SYCP2L: variants seen among roughly 807,000 people sequenced by gnomAD.
The protein encoded by SYCP2L is synaptonemal complex protein 2 like.
In SYCP2L, 98 loss-of-function variants were observed where a neutral mutation model predicts 125.8. The observed-to-expected ratio is 0.78, with a 90% CI of 0.66 to 0.92. SYCP2L has a LOEUF of 0.92. Ranked by LOEUF, SYCP2L falls within the 40% of genes least tolerant of loss-of-function variation. The pLI is 0.00. For synonymous variants in SYCP2L, 317 were observed against 325.4 expected (o/e 0.97, Z 0.28); for missense variants, 842 against 936.4 (o/e 0.90, Z 1.32).
chr6:10,919,818 G>A (rs1780760858), intron 14 of SYCP2L, among the ~76,000 whole-genome samples: 1 of 152,110 alleles, frequency 6.6e-6, no homozygotes, highest in African/African-American at 2.4e-5. Context: ...GATTATGGCT[G>A]TCTCTGCTGA....
At chr6:10,914,177 T>C (rs567863668) in intron 14 of SYCP2L, among the ~76,000 whole-genome samples, 1 of 152,304 alleles carries the variant, frequency 6.6e-6, no homozygotes, top group South Asian at 2.1e-4. Flanking sequence ...AAGTCCTTCA[T>C]CCGTCTTGAG....
chr6:10,951,952 TCA>T (rs1781417304), intron 23 of SYCP2L, among the ~76,000 whole-genome samples: 1 of 152,312 alleles, frequency 6.6e-6, no homozygotes, highest in African/African-American at 2.4e-5. Flanking sequence ...CAGAAGCTCC[TCA>T]GATTGTACCT....
chr6:10,967,475 G>T (rs1297730998), intron 29 of SYCP2L, among the ~76,000 whole-genome samples: 1 of 147,770 alleles, frequency 6.8e-6, no homozygotes, highest in East Asian at 1.9e-4. Flanking sequence ...GTGTGTGTGT[G>T]TGTGTGTGTG....
chr6:10,920,577 T>C (rs576422429), intron 14 of SYCP2L, among the ~76,000 whole-genome samples: 3 of 152,340 alleles, frequency 2.0e-5, no homozygotes, highest in South Asian at 2.1e-4. Context: ...GAGTGCCTCA[T>C]GGGAAGAAGG....
Position 10,912,955 on chromosome 6 carries a change from G to T in SYCP2L, c.1072+28G>T, listed in dbSNP as rs370696231. On this transcript the variant is annotated intron_variant, in intron 14 of 29. Coordinates refer to ENST00000283141, the MANE Select transcript of SYCP2L (RefSeq NM_001040274.3). The surrounding 1 kb of genome is among the most constrained non-coding windows in gnomAD (Gnocchi z 4.1). ...AATATGATACATTTAAACAACCCAC[G>T]TCCAGTTCCAAATATTATTTCTGTT... is the stretch of plus-strand genomic sequence containing the variant. 4.4e-6 allele frequency: 7 copies of T among 1,599,812 alleles called. No homozygotes were observed. Among genetic ancestry groups the T allele is most frequent in the Non-Finnish European group, 6.0e-6 (7 of 1,170,596 alleles).
intron 8 of SYCP2L, among the ~76,000 whole-genome samples, chr6:10,904,285 A>G (rs969761451): frequency 3.9e-5 from 6 of 152,178 alleles, no homozygotes; most frequent in African/African-American, 1.4e-4. Context: ...GTGTGACCAT[A>G]CAAACAACAA....
chr6:10,902,851 G>A (rs1561681796), intron 7 of SYCP2L, 24 bp from the exon 8 acceptor site: 2 of 1,613,198 alleles, frequency 1.2e-6, no homozygotes, highest in Non-Finnish European at 1.7e-6. Context: ...TCTTCTCCAT[G>A]AATGTCTTCT....
At chr6:10,941,806 A>G (rs538472855) in intron 21 of SYCP2L, among the ~76,000 whole-genome samples, 3 of 152,324 alleles carry the variant, frequency 2.0e-5, no homozygotes, top group East Asian at 3.9e-4. Context: ...ATTACTGGGT[A>G]TATACCCAAA....
intron 1 of SYCP2L, among the ~76,000 whole-genome samples, chr6:10,888,159 T>A (rs1259039919): frequency 7.5e-6 from 1 of 133,904 alleles, no homozygotes; most frequent in East Asian, 2.5e-4. Flanking sequence ...TGCAGTGGCG[T>A]GATCTTGGCT....
At position 10,912,865 on chromosome 6, in the gene SYCP2L, A is replaced by G; in HGVS notation, c.1012-2A>G. The G allele has an allele frequency of 1.9e-6, 3 of 1,613,390 alleles. No homozygotes were observed. Among genetic ancestry groups the G allele is most frequent in the Non-Finnish European group, 2.5e-6 (3 of 1,179,490 alleles). ...TGAATTTCACTTATTTATTTTCCCA[A>G]GAATACTCTATGGGACTCAGTGACA... On this transcript the variant is annotated splice_acceptor_variant, in intron 13 of 29. Transcript: ENST00000283141. LOFTEE classifies it high-confidence loss of function. This position sits in a 1 kb window ranked among gnomAD's most constrained non-coding sequence, Gnocchi z 4.1.
intron 4 of SYCP2L, among the ~76,000 whole-genome samples, chr6:10,894,845 T>C (rs1780230383): frequency 6.6e-6 from 1 of 152,162 alleles, no homozygotes; most frequent in Non-Finnish European, 1.5e-5. Context: ...GTTTGTTTAT[T>C]GACGAGGAGA....
intron 23 of SYCP2L, among the ~76,000 whole-genome samples, chr6:10,951,916 G>A (rs944886010): frequency 1.2e-4 from 18 of 152,088 alleles, no homozygotes; most frequent in African/African-American, 3.9e-4. Flanking sequence ...TGAAACTTGT[G>A]CCCAGTCGGC....
chr6:10,911,109 A>G (rs1036316178), intron 12 of SYCP2L, among the ~76,000 whole-genome samples: 1 of 152,148 alleles, frequency 6.6e-6, no homozygotes, highest in African/African-American at 2.4e-5. Context: ...TAGGGTCTGT[A>G]CTGTGTACAT....
At chr6:10,923,658 C>T (rs1173988120) in intron 14 of SYCP2L, among the ~76,000 whole-genome samples, 7 of 125,726 alleles carry the variant, frequency 5.6e-5, no homozygotes, top group Admixed American at 1.7e-4. Flanking sequence ...TGCTGGGAGA[C>T]GCAGACTTCT....
chr6:10,940,198 G>T (rs1781190968), intron 21 of SYCP2L, among the ~76,000 whole-genome samples: 1 of 152,152 alleles, frequency 6.6e-6, no homozygotes, highest in African/African-American at 2.4e-5. Flanking sequence ...TGTTGGCAAG[G>T]GTATGGAGAG....
intron 21 of SYCP2L, 115 bp from the exon 22 acceptor site, chr6:10,942,338 GTTTCAC>G (rs1781239294): frequency 1.2e-5 from 8 of 649,282 alleles, no homozygotes; most frequent in African/African-American, 1.9e-5. Context: ...GTAGATTTTT[GTTTCAC>G]TTAGAACTGT....
In SYCP2L at chr6:10,935,185, C is replaced by T. The variant is rs1025430753; in HGVS notation, c.1811C>T (p.Thr604Ile). Reference sequence around the variant, plus strand: ...ACTGCTGAAGATTCTGCCCAGAAAACAGGTACATGATTTTCTGTTGACTTA... The same window carrying T: ...ACTGCTGAAGATTCTGCCCAGAAAATAGGTACATGATTTTCTGTTGACTTA... ...FLTAEDSAQK[T>I]ELQDPHSLSE... Residue 604 changes from threonine (T) to isoleucine (I), a missense_variant and splice_region_variant, in exon 21 of 30, where the codon ACA becomes ATA. Thr to Ile is a moderately conservative substitution (Grantham distance 89). Coordinates refer to ENST00000283141, the MANE Select transcript of SYCP2L (RefSeq NM_001040274.3). 4 of 1,611,200 alleles carry T rather than the reference C, an allele frequency of 2.5e-6. No individual in the cohort carries two copies. In the African/African-American group the frequency reaches 5.3e-5, roughly 22 times the overall value.
intron 4 of SYCP2L, among the ~76,000 whole-genome samples, chr6:10,896,503 A>G (rs1014360176): frequency 2.6e-5 from 4 of 152,186 alleles, no homozygotes. Flanking sequence ...TTTAAAAAGC[A>G]TAGAATTTTG....
intron 25 of SYCP2L, among the ~76,000 whole-genome samples, chr6:10,958,299 A>G (rs1312192823): frequency 6.6e-6 from 1 of 151,884 alleles, no homozygotes; most frequent in Non-Finnish European, 1.5e-5. Flanking sequence ...GCTTCTGGGG[A>G]GGCCTCAGGG....
Sources: gnomAD v4.1 joint callset for allele counts (sites outside exome capture counted in the v4.1 genomes callset) on GRCh38, gnomAD v4.1.1 for gene constraint, Gnocchi (gnomAD v3.1) non-coding constraint, MANE v1.5 for transcripts, NCBI Gene and HGNC (gene_info 2026-07-23, HGNC 2026-07-21) for gene names.